The following MEGF11 variants were observed in gnomAD, a reference collection of about 807,000 sequenced individuals.
MEGF11 encodes the protein multiple epidermal growth factor-like domains protein 11.
In MEGF11, 126 loss-of-function variants were observed where a neutral mutation model predicts 146.6. That is an observed-to-expected ratio of 0.86 (90% CI 0.74 to 1.00). MEGF11 has a LOEUF of 1.00. Ranked by LOEUF, MEGF11 falls within the 50% of genes least tolerant of loss-of-function variation. The pLI, the probability that MEGF11 is intolerant of heterozygous loss-of-function variation, is 0.00. For missense variants in MEGF11, 1,509 were observed against 1,521.2 expected (o/e 0.99, Z 0.13); for synonymous variants, 532 against 583.4 (o/e 0.91, Z 1.27).
At chr15:66,086,817 G>A (rs756731385) in intron 5 of MEGF11, among the ~76,000 whole-genome samples, 10 of 152,210 alleles carry the variant, frequency 6.6e-5, no homozygotes, top group Non-Finnish European at 1.2e-4. Context: ...TGAATGCAAC[G>A]GTACCTCACA....
chr15:66,236,279 G>C (rs552098725), intron 1 of MEGF11, among the ~76,000 whole-genome samples: 6 of 152,160 alleles, frequency 3.9e-5, no homozygotes, highest in Non-Finnish European at 5.9e-5. Context: ...ATGGGGTGAG[G>C]CTGCTGGGCC....
At chr15:65,980,026 G>A (rs976308678) in intron 7 of MEGF11, among the ~76,000 whole-genome samples, 1 of 152,082 alleles carries the variant, frequency 6.6e-6, no homozygotes, top group Non-Finnish European at 1.5e-5. Flanking sequence ...CAGATTCTGG[G>A]GCCCACAGAA....
At chr15:65,940,786 GGGA>G (rs1213536715) in intron 10 of MEGF11, among the ~76,000 whole-genome samples, 1 of 152,172 alleles carries the variant, frequency 6.6e-6, no homozygotes, top group Admixed American at 6.5e-5. Context: ...CCATGCAGGT[GGGA>G]GGAGGAGAAA....
rs571751584 is a variant in MEGF11, at chr15:66,155,633, A to T, written c.-8-27222T>A. On this transcript the variant is annotated intron_variant, in intron 1 of 25. Transcript: ENST00000395614. Reference sequence around the variant, plus strand: ...GAAGTCTAATAGAAACCTCGATTTAACATGACCCAAACCTGATCTCCCCCA... The same window carrying T: ...GAAGTCTAATAGAAACCTCGATTTATCATGACCCAAACCTGATCTCCCCCA... Among the ~76,000 whole-genome samples the T allele has an allele frequency of 6.5e-4, 99 of 152,298 alleles. 1 individual carries two copies. The highest frequency in any genetic ancestry group is 3.4e-3 in the Middle Eastern group (1 of 294).
intron 5 of MEGF11, among the ~76,000 whole-genome samples, chr15:66,060,236 G>C (rs2084847595): frequency 6.6e-6 from 1 of 152,168 alleles, no homozygotes; most frequent in Non-Finnish European, 1.5e-5. Context: ...GGAGGACAGA[G>C]AGACAGAGAC....
At chr15:66,214,583 T>C (rs2091540386) in intron 1 of MEGF11, among the ~76,000 whole-genome samples, 1 of 152,122 alleles carries the variant, frequency 6.6e-6, no homozygotes, top group South Asian at 2.1e-4. Context: ...GTTTGATTAA[T>C]TGAGATTACT....
chr15:65,909,346 T>TTCCC (rs1450838103), intron 22 of MEGF11, among the ~76,000 whole-genome samples: 7 of 151,930 alleles, frequency 4.6e-5, no homozygotes, highest in South Asian at 2.1e-4. Flanking sequence ...TCCCCTCTCC[T>TTCCC]TCCCTCCCTC....
chr15:65,909,716 G>A (rs896156472), intron 22 of MEGF11, 24 bp downstream of exon 22: 1 of 1,551,962 alleles, frequency 6.4e-7, no homozygotes, highest in Non-Finnish European at 8.7e-7. Flanking sequence ...TGATGGTGGG[G>A]ACCAGACTCA....
chr15:65,990,069 G>A (rs893671190), intron 5 of MEGF11, among the ~76,000 whole-genome samples: 1 of 152,138 alleles, frequency 6.6e-6, no homozygotes, highest in African/African-American at 2.4e-5. Context: ...AAATTATCCA[G>A]CTGTGGTGGT....
intron 10 of MEGF11, among the ~76,000 whole-genome samples, chr15:65,950,894 C>A (rs1363868875): frequency 6.6e-6 from 1 of 152,222 alleles, no homozygotes; most frequent in Non-Finnish European, 1.5e-5. Context: ...AGTCAAGTCC[C>A]AGCCCTACTG....
At chr15:66,214,698 T>C (rs1319267746) in intron 1 of MEGF11, among the ~76,000 whole-genome samples, 1 of 152,110 alleles carries the variant, frequency 6.6e-6, no homozygotes, top group African/African-American at 2.4e-5. Flanking sequence ...TCTCACTGCA[T>C]CATCTTGTGT....
intron 1 of MEGF11, among the ~76,000 whole-genome samples, chr15:66,195,668 A>G (rs2090990809): frequency 6.6e-6 from 1 of 152,186 alleles, no homozygotes; most frequent in Admixed American, 6.5e-5. Context: ...ACGGGGAAGC[A>G]TTTATCCATC....
intron 1 of MEGF11, among the ~76,000 whole-genome samples, chr15:66,193,420 G>A (rs1031014009): frequency 2.6e-5 from 4 of 152,228 alleles, no homozygotes; most frequent in African/African-American, 9.6e-5. Context: ...ACAAGGTTAA[G>A]TAAAGTAGGT....
intron 7 of MEGF11, among the ~76,000 whole-genome samples, chr15:65,980,534 G>T (rs566544601): frequency 6.6e-6 from 1 of 151,122 alleles, no homozygotes; most frequent in Admixed American, 6.6e-5. Context: ...GAGTAGCTGA[G>T]ATTACAGACG....
chr15:66,195,911 T>C (rs1463051876), intron 1 of MEGF11, among the ~76,000 whole-genome samples: 1 of 151,914 alleles, frequency 6.6e-6, no homozygotes, highest in Non-Finnish European at 1.5e-5. Context: ...GAGTAAGACG[T>C]GGTGGGGAGA....
At chr15:65,952,717 T>C (rs967018608) in intron 10 of MEGF11, among the ~76,000 whole-genome samples, 11 of 152,158 alleles carry the variant, frequency 7.2e-5, no homozygotes, top group African/African-American at 1.7e-4. Flanking sequence ...CTGTTTCCGA[T>C]GGGCAGGGAA....
chr15:66,233,712 G>A (rs2092022791), intron 1 of MEGF11, among the ~76,000 whole-genome samples: 1 of 152,058 alleles, frequency 6.6e-6, no homozygotes, highest in Non-Finnish European at 1.5e-5. Flanking sequence ...CATGACTCAG[G>A]GAAGCATGAC....
At chr15:65,971,173 A>G (rs2081286058) in intron 7 of MEGF11, 1 of 154,360 alleles carries the variant, frequency 6.5e-6, no homozygotes. Context: ...CACAAAGAAA[A>G]GAGGAATAGG....
chr15:66,128,333 T>A lies in MEGF11; in HGVS notation c.71A>T (p.Asp24Val). ...CTCCCAGTGGCTGCACACGTTGGGG[T>A]CCTCGGGGTTCAGGGCAAGGGTGGC... Reference protein sequence around the residue: ...LQATLALNPEDPNVCSHWESY... With the variant: ...LQATLALNPEVPNVCSHWESY... Residue 24 changes from aspartate (D) to valine (V), a missense_variant, in exon 2 of 26, where the codon GAC becomes GTC. Transcript: ENST00000395614. The A allele has an allele frequency of 6.6e-7, 1 of 1,522,596 alleles. No homozygotes were observed. The highest frequency in any genetic ancestry group is 8.8e-7 in the Non-Finnish European group (1 of 1,133,718). 94.3% of individuals were successfully genotyped at this position (1,522,596 alleles called of 1,614,324 possible).
Sources: gnomAD v4.1 joint callset for allele counts (sites outside exome capture counted in the v4.1 genomes callset) on GRCh38, gnomAD v4.1.1 for gene constraint, MANE v1.5 for transcripts, NCBI Gene and HGNC (gene_info 2026-07-23, HGNC 2026-07-21) for gene names.